Variants in POC1A observed in about 807,000 individuals in gnomAD.
The protein encoded by POC1A is POC1 centriolar protein A.
A neutral mutation model predicts 47.8 loss-of-function variants in POC1A; 34 were observed. That is an observed-to-expected ratio of 0.71 (90% CI 0.54 to 0.95). The LOEUF (loss-of-function observed/expected upper bound fraction) is 0.95, where lower values mean the gene tolerates loss of function less well. Ranked by LOEUF, POC1A falls within the 40% of genes least tolerant of loss-of-function variation. The pLI, the probability that POC1A is intolerant of heterozygous loss-of-function variation, is 0.00. For missense variants in POC1A, 466 were observed against 528.3 expected (o/e 0.88, Z 1.16); for synonymous variants, 177 against 207.6 (o/e 0.85, Z 1.27).
intron 7 of POC1A, among the ~76,000 whole-genome samples, chr3:52,136,907 T>A (rs1259285006): frequency 1.3e-5 from 2 of 152,364 alleles, no homozygotes; most frequent in East Asian, 3.9e-4. Flanking sequence ...TTGATAGGCA[T>A]CTGTTTCAAA....
chr3:52,150,774 C>T (rs1456410890), intron 2 of POC1A, among the ~76,000 whole-genome samples: 1 of 152,132 alleles, frequency 6.6e-6, no homozygotes, highest in Non-Finnish European at 1.5e-5. Context: ...CCCAGTCCCA[C>T]CCTCAAAAGC....
intron 10 of POC1A, among the ~76,000 whole-genome samples, chr3:52,087,176 T>C (rs1577805886): frequency 6.6e-6 from 1 of 152,160 alleles, no homozygotes; most frequent in East Asian, 1.9e-4. Context: ...TGGCAGGAAG[T>C]GGGGGCGGGA....
At chr3:52,089,662 C>T (rs1702581452) in intron 10 of POC1A, among the ~76,000 whole-genome samples, 1 of 152,182 alleles carries the variant, frequency 6.6e-6, no homozygotes, top group Non-Finnish European at 1.5e-5. Flanking sequence ...CTGCACACGC[C>T]CTCCTGGGAT....
At chr3:52,076,007 G>C in intron 10 of POC1A, 22 bp from the exon 11 acceptor site, 1 of 1,592,810 alleles carries the variant, frequency 6.3e-7, no homozygotes, top group East Asian at 2.2e-5. Context: ...ACAGTGGTTG[G>C]GTCAGAACAC....
rs2106954466 is a variant in POC1A at position 52,090,759 on chromosome 3, T to C, written c.1125+5810A>G. 6.6e-6 allele frequency among the ~76,000 whole-genome samples: 1 copy of C among 152,158 alleles called. No homozygotes were observed. Among genetic ancestry groups the C allele is most frequent in the Admixed American group, 6.5e-5 (1 of 15,292 alleles). On this transcript the variant is annotated intron_variant, in intron 10 of 10. Transcript: ENST00000296484. The surrounding 1 kb of genome is among the most constrained non-coding windows in gnomAD (Gnocchi z 4.2). ...CCAGGGTCAGGCCCAGGGCCTCTGC[T>C]TGCACACCTACTGAGCGCCCATCCC... is the stretch of plus-strand genomic sequence containing the variant.
intron 9 of POC1A, among the ~76,000 whole-genome samples, chr3:52,107,204 T>C (rs1703217620): frequency 6.6e-6 from 1 of 152,202 alleles, no homozygotes; most frequent in Admixed American, 6.5e-5. Flanking sequence ...ACCCCAGCCT[T>C]TAGAAGCTGG....
At position 52,079,905 on chromosome 3, in the gene POC1A, G is replaced by A. The variant is rs143612593; in HGVS notation, c.1126-3920C>T. On this transcript the variant is annotated intron_variant, in intron 10 of 10. Transcript: ENST00000296484. This position sits in a 1 kb window ranked among gnomAD's most constrained non-coding sequence, Gnocchi z 4.6. Reference sequence around the variant, plus strand: ...CTCATTCCCTTTCCTTGGACCTGGTGCTACCCTGGGAACATTCTTAAGTCC... The same window carrying A: ...CTCATTCCCTTTCCTTGGACCTGGTACTACCCTGGGAACATTCTTAAGTCC... 1.9e-3 allele frequency among the ~76,000 whole-genome samples: 283 copies of A among 152,252 alleles called. 2 individuals are homozygous for A. The highest frequency in any genetic ancestry group is 6.5e-3 in the African/African-American group (268 of 41,528).
chr3:52,114,823 C>G (rs1201571293), intron 9 of POC1A, among the ~76,000 whole-genome samples: 1 of 152,206 alleles, frequency 6.6e-6, no homozygotes, highest in Admixed American at 6.5e-5. Context: ...CCCGGTAAAG[C>G]CCCACAATAG....
At chr3:52,153,610 C>CCCTG (rs1275518862) in intron 1 of POC1A, among the ~76,000 whole-genome samples, 1 of 152,236 alleles carries the variant, frequency 6.6e-6, no homozygotes, top group Non-Finnish European at 1.5e-5. Context: ...TCAGGTCCAC[C>CCCTG]CCTGACCAGT....
chr3:52,132,409 C>T (rs1704246814), intron 7 of POC1A, among the ~76,000 whole-genome samples: 1 of 152,172 alleles, frequency 6.6e-6, no homozygotes, highest in African/African-American at 2.4e-5. Context: ...CATCCCCCAC[C>T]AGACAAGGCT....
chr3:52,100,802 GAGGTGC>G (rs1702973584), intron 9 of POC1A, among the ~76,000 whole-genome samples: 2 of 152,168 alleles, frequency 1.3e-5, no homozygotes, highest in South Asian at 4.1e-4. Flanking sequence ...ACCGTTCTTG[GAGGTGC>G]AGGCCTAGGA....
chr3:52,146,437 T>C (rs1228407908), intron 5 of POC1A, among the ~76,000 whole-genome samples: 1 of 152,218 alleles, frequency 6.6e-6, no homozygotes, highest in African/African-American at 2.4e-5. Context: ...GCTGGTACCA[T>C]GTCCACCTCT....
At chr3:52,148,279 T>A (rs1698434759) in intron 4 of POC1A, among the ~76,000 whole-genome samples, 1 of 152,192 alleles carries the variant, frequency 6.6e-6, no homozygotes, top group Non-Finnish European at 1.5e-5. Flanking sequence ...CCCCTCCTGA[T>A]CTCAGGACCC....
chr3:52,125,195 C>CA lies in POC1A; in HGVS notation c.814-15dup, dbSNP rs759999548. The CA allele has an allele frequency of 5.6e-6, 9 of 1,599,358 alleles. No individual in the cohort carries two copies. The highest frequency in any genetic ancestry group is 7.7e-6 in the Non-Finnish European group (9 of 1,169,036). On this transcript the variant is annotated splice_polypyrimidine_tract_variant and intron_variant, in intron 7 of 10. Coordinates refer to ENST00000296484, the MANE Select transcript of POC1A (RefSeq NM_015426.5). ...GGTGGCTGGTCCCTGGCAGAACAAACAAAAAATAACACACATCAAAGGTCA... is the reference window on the plus strand; with the variant it reads ...GGTGGCTGGTCCCTGGCAGAACAAACAAAAAAATAACACACATCAAAGGTCA...
chr3:52,148,398 G>A (rs1196942712), intron 4 of POC1A, among the ~76,000 whole-genome samples: 1 of 152,214 alleles, frequency 6.6e-6, no homozygotes, highest in East Asian at 1.9e-4. Flanking sequence ...CAGCTCAATA[G>A]TCCCCAACTT....
At chr3:52,094,592 A>T (rs1365320853) in intron 10 of POC1A, among the ~76,000 whole-genome samples, 1 of 152,290 alleles carries the variant, frequency 6.6e-6, no homozygotes, top group African/African-American at 2.4e-5. Flanking sequence ...TGCTATGCAC[A>T]GTTCTGAAAA....
chr3:52,131,949 T>G (rs1704229869), intron 7 of POC1A, among the ~76,000 whole-genome samples: 1 of 152,060 alleles, frequency 6.6e-6, no homozygotes, highest in African/African-American at 2.4e-5. Context: ...TTCTAACAAA[T>G]GGACTGCCCA....
At chr3:52,134,484 T>C (rs569944242) in intron 7 of POC1A, among the ~76,000 whole-genome samples, 2 of 151,844 alleles carry the variant, frequency 1.3e-5, no homozygotes, top group Admixed American at 6.6e-5. Context: ...ATACAAAAAT[T>C]AGCCGGGTGT....
rs114393060 is a variant in POC1A at position 52,144,002 on chromosome 3, G to C, written c.679+1844C>G. Among the ~76,000 whole-genome samples the C allele has an allele frequency of 4.6e-3, 699 of 152,272 alleles. 3 individuals carry two copies. The highest frequency in any genetic ancestry group is 0.016 in the African/African-American group (663 of 41,530). On this transcript the variant is annotated intron_variant, in intron 6 of 10. Coordinates refer to ENST00000296484, the MANE Select transcript of POC1A (RefSeq NM_015426.5). ...CCAGGGTCACCTAGACATCCTCTCT[G>C]CCCAGTGTCAGGACTTATGTAGCAC...
Sources: allele counts gnomAD v4.1 joint callset (sites outside exome capture counted in the v4.1 genomes callset), GRCh38; gene constraint gnomAD v4.1.1; non-coding constraint Gnocchi (gnomAD v3.1); transcripts MANE v1.5; gene names NCBI Gene and HGNC (gene_info 2026-07-23, HGNC 2026-07-21).